The following GNG12 variants were observed in gnomAD, a reference collection of about 807,000 sequenced individuals.
GNG12 encodes guanine nucleotide-binding protein G(I)/G(S)/G(O) subunit gamma-12.
For missense variants in GNG12, 69 were observed against 83.8 expected (o/e 0.82, Z 0.69); for synonymous variants, 28 against 29.7 (o/e 0.94, Z 0.19).
At chr1:67,727,160 A>G (rs1646391567) in intron 2 of GNG12, among the ~76,000 whole-genome samples, 1 of 152,194 alleles carries the variant, frequency 6.6e-6, no homozygotes, top group Non-Finnish European at 1.5e-5. Flanking sequence ...GTAATACAAC[A>G]ATATTATGCC....
chr1:67,733,611 T>C (rs1249810270), intron 2 of GNG12, among the ~76,000 whole-genome samples: 1 of 152,190 alleles, frequency 6.6e-6, no homozygotes, highest in Non-Finnish European at 1.5e-5. Flanking sequence ...TCTTAAAATT[T>C]ATAGGAAAAA....
At chr1:67,728,857 G>T (rs1409834144) in intron 2 of GNG12, among the ~76,000 whole-genome samples, 1 of 152,200 alleles carries the variant, frequency 6.6e-6, no homozygotes, top group African/African-American at 2.4e-5. Context: ...TTTGGGGAAG[G>T]GTATGACAGC....
At chr1:67,754,480 G>A (rs587534) in intron 2 of GNG12, among the ~76,000 whole-genome samples, 131 of 152,188 alleles carry the variant, frequency 8.6e-4, no homozygotes, top group African/African-American at 2.9e-3. Context: ...TCTCAAATTA[G>A]TATATTTTTA....
chr1:67,796,139 C>G (rs954391088), intron 1 of GNG12, among the ~76,000 whole-genome samples: 5 of 152,346 alleles, frequency 3.3e-5, no homozygotes, highest in Middle Eastern at 3.4e-3. Flanking sequence ...AAATGCCCTA[C>G]TGACAAAAGA....
intron 1 of GNG12, among the ~76,000 whole-genome samples, chr1:67,796,710 C>A (rs944906434): frequency 7.9e-5 from 12 of 152,024 alleles, no homozygotes; most frequent in African/African-American, 2.9e-4. Context: ...TACTTAATGG[C>A]CAATATTTTG....
At chr1:67,774,917 G>A (rs1646696203) in intron 2 of GNG12, among the ~76,000 whole-genome samples, 1 of 152,180 alleles carries the variant, frequency 6.6e-6, no homozygotes, top group African/African-American at 2.4e-5. Flanking sequence ...CAATTGAAAA[G>A]GAGATTTTTT....
intron 2 of GNG12, among the ~76,000 whole-genome samples, chr1:67,717,359 A>G (rs1037157741): frequency 1.2e-4 from 18 of 152,118 alleles, no homozygotes; most frequent in Non-Finnish European, 2.2e-4. Context: ...TACTAAAAAA[A>G]GGAAAAATCA....
intron 2 of GNG12, among the ~76,000 whole-genome samples, chr1:67,773,212 G>A (rs1042024949): frequency 1.3e-5 from 2 of 152,168 alleles, no homozygotes; most frequent in Admixed American, 6.5e-5. Flanking sequence ...CTCTGACAAC[G>A]ATCCTGAATG....
chr1:67,823,298 A>G (rs1646994066), intron 1 of GNG12, among the ~76,000 whole-genome samples: 1 of 152,238 alleles, frequency 6.6e-6, no homozygotes, highest in Non-Finnish European at 1.5e-5. Context: ...CTAGAAGATC[A>G]TCTTCATCAT....
chr1:67,825,852 A>G (rs1239355408), intron 1 of GNG12, among the ~76,000 whole-genome samples: 4 of 152,212 alleles, frequency 2.6e-5, no homozygotes, highest in African/African-American at 9.6e-5. Context: ...GGCAATACTG[A>G]GCATGCTGGT....
chr1:67,813,913 G>GTA (rs768771489), intron 1 of GNG12, among the ~76,000 whole-genome samples: 137 of 151,580 alleles, frequency 9.0e-4, no homozygotes, highest in African/African-American at 1.4e-3. Flanking sequence ...ATATATATGT[G>GTA]TATATATATA....
At chr1:67,767,848 C>A (rs1305887205) in intron 2 of GNG12, among the ~76,000 whole-genome samples, 1 of 152,192 alleles carries the variant, frequency 6.6e-6, no homozygotes, top group East Asian at 1.9e-4. Context: ...TATAAATTTT[C>A]TTCTTTTTGA....
intron 1 of GNG12, among the ~76,000 whole-genome samples, chr1:67,819,889 G>C (rs1463139896): frequency 6.6e-6 from 1 of 152,076 alleles, no homozygotes; most frequent in Non-Finnish European, 1.5e-5. Context: ...CAGCTCAAAT[G>C]TCCCCTCCAA....
At chr1:67,746,459 T>C (rs1321087984) in intron 2 of GNG12, among the ~76,000 whole-genome samples, 1 of 152,110 alleles carries the variant, frequency 6.6e-6, no homozygotes, top group Non-Finnish European at 1.5e-5. Context: ...TAACATCCCT[T>C]CTTCTCAGCA....
At chr1:67,734,923 G>A (rs973594023) in intron 2 of GNG12, among the ~76,000 whole-genome samples, 4 of 151,958 alleles carry the variant, frequency 2.6e-5, no homozygotes, top group Non-Finnish European at 4.4e-5. Context: ...GCGTGATCTC[G>A]GCTCACTGTA....
chr1:67,779,595 C>A (rs552522752), intron 1 of GNG12, among the ~76,000 whole-genome samples: 2 of 152,290 alleles, frequency 1.3e-5, no homozygotes, highest in East Asian at 3.9e-4. Context: ...TGGGTCTTCA[C>A]ATCTCAGTTC....
intron 2 of GNG12, among the ~76,000 whole-genome samples, chr1:67,741,521 T>C (rs1646482659): frequency 1.3e-5 from 2 of 152,234 alleles, no homozygotes; most frequent in Non-Finnish European, 2.9e-5. Context: ...CTGATGGCTA[T>C]GTTTAGGGTT....
chr1:67,747,442 C>T lies in GNG12; in HGVS notation c.-27+30016G>A, dbSNP rs150550548. On this transcript the variant is annotated intron_variant, in intron 2 of 3. Transcript: ENST00000370982. ...GCCCATAAAAAATCTATTGAGTGTT[C>T]GATGGCCCAAGACTGTATCATCTTT... 1.2e-3 allele frequency among the ~76,000 whole-genome samples: 189 copies of T among 152,224 alleles called. 1 individual carries two copies. Among genetic ancestry groups the T allele is most frequent in the African/African-American group, 4.3e-3 (177 of 41,540 alleles).
Position 67,745,034 on chromosome 1 carries a change from C to T in GNG12, c.-27+32424G>A, listed in dbSNP as rs1206750630. On this transcript the variant is annotated intron_variant, in intron 2 of 3. Coordinates refer to ENST00000370982, the MANE Select transcript of GNG12 (RefSeq NM_018841.6). ...CTGTAAGATGCGAATAATAATTGCACCTATCCTATTGGATTGTATTGAGGA... is the reference window on the plus strand; with the variant it reads ...CTGTAAGATGCGAATAATAATTGCATCTATCCTATTGGATTGTATTGAGGA... Among the ~76,000 whole-genome samples, 3 of 152,250 alleles carry T rather than the reference C, an allele frequency of 2.0e-5. 1 individual carries two copies. The East Asian group carries it at 5.8e-4, about 29-fold the overall frequency.
Sources: gnomAD v4.1 joint callset for allele counts (sites outside exome capture counted in the v4.1 genomes callset) on GRCh38, gnomAD v4.1.1 for gene constraint, MANE v1.5 for transcripts, NCBI Gene and HGNC (gene_info 2026-07-23, HGNC 2026-07-21) for gene names.